NPSR1: variants seen among roughly 807,000 people sequenced by gnomAD.
The protein encoded by NPSR1 is neuropeptide S receptor 1.
Under a neutral mutation model 46.9 loss-of-function variants are expected in NPSR1, and 48 were observed. That is an observed-to-expected ratio of 1.02 (90% CI 0.81 to 1.30). The LOEUF (loss-of-function observed/expected upper bound fraction) is 1.30, where lower values mean the gene tolerates loss of function less well. NPSR1 is among the 50% of genes most tolerant of loss of function. The pLI, the probability that NPSR1 is intolerant of heterozygous loss-of-function variation, is 0.00. For synonymous variants in NPSR1, 176 were observed against 168.1 expected, an observed-to-expected ratio of 1.05 and a Z score of -0.36; for missense variants, 450 against 449.5, an observed-to-expected ratio of 1.00 and a Z score of -0.01.
intron 6 of NPSR1, among the ~76,000 whole-genome samples, chr7:34,838,841 T>C (rs1376908662): frequency 2.0e-5 from 3 of 152,244 alleles, no homozygotes; most frequent in Non-Finnish European, 2.9e-5. Context: ...ATTATTGATG[T>C]CCAGGAGGAT....
intron 2 of NPSR1, chr7:34,757,950 G>T: frequency 6.5e-6 from 1 of 152,824 alleles, no homozygotes. Flanking sequence ...GAGTTTCATT[G>T]CTCAGAGCCC....
intron 2 of NPSR1, among the ~76,000 whole-genome samples, chr7:34,721,547 C>A (rs1385045887): frequency 6.6e-6 from 1 of 152,194 alleles, no homozygotes; most frequent in Non-Finnish European, 1.5e-5. Context: ...ACACTTATTT[C>A]ATTCCAACTG....
intron 2 of NPSR1, among the ~76,000 whole-genome samples, chr7:34,714,133 G>A (rs953030871): frequency 6.6e-6 from 1 of 152,206 alleles, no homozygotes; most frequent in African/African-American, 2.4e-5. Context: ...GGCAAAGATC[G>A]CCAGGAAAGT....
chr7:34,830,497 C>T (rs1416008167), intron 5 of NPSR1, among the ~76,000 whole-genome samples: 3 of 152,000 alleles, frequency 2.0e-5, no homozygotes, highest in South Asian at 2.1e-4. Context: ...GCGGACTTTG[C>T]CATTGAAAGT....
intron 3 of NPSR1, among the ~76,000 whole-genome samples, chr7:34,798,190 G>A (rs1788274491): frequency 6.6e-6 from 1 of 152,234 alleles, no homozygotes; most frequent in South Asian, 2.1e-4. Context: ...ATAATGCATT[G>A]GTAATCATTA....
At chr7:34,751,427 G>A (rs1785520335) in intron 2 of NPSR1, 4 of 1,056,720 alleles carry the variant, frequency 3.8e-6, no homozygotes, top group Admixed American at 3.4e-5. Context: ...AAGGCAGCCA[G>A]TGTCTGTTTG....
chr7:34,812,777 AAAG>A (rs1282360070), intron 4 of NPSR1, among the ~76,000 whole-genome samples: 1 of 152,188 alleles, frequency 6.6e-6, no homozygotes, highest in African/African-American at 2.4e-5. Context: ...GAAAACTGAT[AAAG>A]AACCTAACAA....
intron 2 of NPSR1, among the ~76,000 whole-genome samples, chr7:34,773,768 C>A (rs1304099803): frequency 2.6e-5 from 4 of 152,208 alleles, no homozygotes; most frequent in Non-Finnish European, 5.9e-5. Flanking sequence ...CCACTCGATT[C>A]ATGTGCCCAT....
Position 34,848,870 on chromosome 7 carries a change from CACA to C in NPSR1, c.1025+211_1025+213del, listed in dbSNP as rs1485225384. Among the ~76,000 whole-genome samples the C allele has an allele frequency of 2.0e-5, 3 of 152,304 alleles. No homozygotes were observed. In the East Asian group the frequency reaches 5.8e-4, roughly 29 times the overall value. On this transcript the variant is annotated intron_variant, in intron 8 of 8. Transcript: ENST00000360581. ...ACAGCTGATGTGCTTTTTCCTATAC[CACA>C]ACACCTCCTATAGAAACCGCCTTAA...
intron 4 of NPSR1, among the ~76,000 whole-genome samples, chr7:34,824,184 C>T (rs760249240): frequency 2.0e-5 from 3 of 152,108 alleles, no homozygotes; most frequent in Non-Finnish European, 2.9e-5. Context: ...GTTGGTGCCA[C>T]TATGGATTTT....
At chr7:34,692,772 G>A (rs1793331987) in intron 2 of NPSR1, among the ~76,000 whole-genome samples, 2 of 152,110 alleles carry the variant, frequency 1.3e-5, no homozygotes, top group Admixed American at 1.3e-4. Flanking sequence ...ACAAAATGTT[G>A]GATCTTTGAA....
intron 2 of NPSR1, among the ~76,000 whole-genome samples, chr7:34,692,279 C>T: frequency 6.6e-6 from 1 of 152,096 alleles, no homozygotes; most frequent in East Asian, 1.9e-4. Context: ...GGAACATTCT[C>T]CCAAATTGAC....
chr7:34,802,346 T>C (rs1229746802), intron 3 of NPSR1, among the ~76,000 whole-genome samples: 1 of 150,150 alleles, frequency 6.7e-6, no homozygotes, highest in Non-Finnish European at 1.5e-5. Flanking sequence ...CAAAACAGCA[T>C]GGTACTGGTA....
chr7:34,771,640 G>C (rs1204878513), intron 2 of NPSR1, among the ~76,000 whole-genome samples: 1 of 152,150 alleles, frequency 6.6e-6, no homozygotes, highest in African/African-American at 2.4e-5. Context: ...AAGAAGAAAA[G>C]ACACAACATC....
chr7:34,804,751 T>C (rs967684238), intron 3 of NPSR1, among the ~76,000 whole-genome samples: 3 of 151,984 alleles, frequency 2.0e-5, no homozygotes, highest in Non-Finnish European at 2.9e-5. Context: ...GTTAATAAAT[T>C]TGTAATTTTC....
intron 8 of NPSR1, among the ~76,000 whole-genome samples, chr7:34,872,442 C>T (rs1049244783): frequency 4.6e-5 from 7 of 151,956 alleles, no homozygotes; most frequent in African/African-American, 1.7e-4. Context: ...TTAGGTCAGG[C>T]TAATTTGCCT....
At chr7:34,786,460 C>T (rs1382058943) in intron 3 of NPSR1, among the ~76,000 whole-genome samples, 1 of 152,138 alleles carries the variant, frequency 6.6e-6, no homozygotes, top group African/African-American at 2.4e-5. Context: ...GAGTTGGAAT[C>T]AACCTTCTAC....
At chr7:34,745,725 G>C (rs1196374375) in intron 2 of NPSR1, among the ~76,000 whole-genome samples, 1 of 152,124 alleles carries the variant, frequency 6.6e-6, no homozygotes, top group Non-Finnish European at 1.5e-5. Flanking sequence ...TGTTGCCCAG[G>C]CTGGTCTTAA....
rs572707212 is a variant in NPSR1 at position 34,713,366 on chromosome 7, A to T, written c.280+28682A>T. Reference sequence around the variant, plus strand: ...AATGCCCAAAAATATTCTAGAAAAAACATTGAGAATTCAAGTTAAAATGTC... The same window carrying T: ...AATGCCCAAAAATATTCTAGAAAAATCATTGAGAATTCAAGTTAAAATGTC... On this transcript the variant is annotated intron_variant, in intron 2 of 8. Coordinates refer to ENST00000360581, the MANE Select transcript of NPSR1 (RefSeq NM_207172.2). 5.3e-5 allele frequency among the ~76,000 whole-genome samples: 8 copies of T among 152,314 alleles called. No individual in the cohort carries two copies. The South Asian group carries it at 1.7e-3, about 32-fold the overall frequency.
Sources: allele counts gnomAD v4.1 joint callset (sites outside exome capture counted in the v4.1 genomes callset), GRCh38; gene constraint gnomAD v4.1.1; transcripts MANE v1.5; gene names NCBI Gene and HGNC (gene_info 2026-07-23, HGNC 2026-07-21).